OAS1: variants seen among roughly 807,000 people sequenced by gnomAD.
The protein encoded by OAS1 is 2'-5'-oligoadenylate synthetase 1.
OAS1 carries 24 observed loss-of-function variants against 38.5 expected under a neutral mutation model. That is an observed-to-expected ratio of 0.62 (90% CI 0.45 to 0.88). The LOEUF (loss-of-function observed/expected upper bound fraction) is 0.88, where lower values mean the gene tolerates loss of function less well. OAS1 is among the 40% of genes least tolerant of loss of function. OAS1 has a pLI of 0.00. For missense variants in OAS1, 482 were observed against 493.9 expected (o/e 0.98, Z 0.23); for synonymous variants, 169 against 193.9 (o/e 0.87, Z 1.07).
chr12:112,923,662 T>G (rs955234798), downstream of OAS1, among the ~76,000 whole-genome samples: 1 of 152,232 alleles, frequency 6.6e-6, no homozygotes, highest in African/African-American at 2.4e-5. Context: ...TTCCATAGAT[T>G]GTCTTTTCAG....
intron 4 of OAS1, 33 bp downstream of exon 4, chr12:112,916,771 T>A (rs958359415): frequency 1.3e-6 from 2 of 1,502,758 alleles, no homozygotes; most frequent in African/African-American, 2.8e-5. Flanking sequence ...AGCTCCCCTA[T>A]GTAAATGAAC....
intron 6 of OAS1, among the ~76,000 whole-genome samples, chr12:112,930,130 C>T (rs1326163088): frequency 1.3e-5 from 2 of 152,050 alleles, no homozygotes; most frequent in African/African-American, 2.4e-5. Flanking sequence ...GGTGGCACCT[C>T]CTCCCCACTT....
At chr12:112,922,344 C>T (rs1338659538), downstream of OAS1, among the ~76,000 whole-genome samples, 3 of 152,134 alleles carry the variant, frequency 2.0e-5, no homozygotes, top group Admixed American at 6.5e-5. Context: ...CCTTAACCCC[C>T]TGGTCGTCCG....
chr12:112,921,995 A>G (rs2043532492), downstream of OAS1, among the ~76,000 whole-genome samples: 1 of 152,154 alleles, frequency 6.6e-6, no homozygotes, highest in South Asian at 2.1e-4. Context: ...TGGGCAAATG[A>G]CAAGCCTGAC....
downstream of OAS1, among the ~76,000 whole-genome samples, chr12:112,920,470 T>C (rs956854649): frequency 6.6e-6 from 1 of 152,250 alleles, no homozygotes; most frequent in Non-Finnish European, 1.5e-5. Flanking sequence ...TTGAGTTAAA[T>C]CAAATGAACT....
intron 3 of OAS1, among the ~76,000 whole-genome samples, chr12:112,912,531 T>G (rs1405083173): frequency 6.6e-6 from 1 of 152,190 alleles, no homozygotes; most frequent in Non-Finnish European, 1.5e-5. Context: ...TTGCCAGACT[T>G]CTAAGTGTTT....
intron 5 of OAS1, 110 bp from the exon 6 acceptor site, chr12:112,919,279 C>A: frequency 9.5e-7 from 1 of 1,052,686 alleles, no homozygotes; most frequent in Non-Finnish European, 1.4e-6. Flanking sequence ...TTAGTCCTTC[C>A]TCAAAGGGGG....
At chr12:112,926,528 T>G (rs2043559312) in intron 6 of OAS1, among the ~76,000 whole-genome samples, 1 of 146,984 alleles carries the variant, frequency 6.8e-6, no homozygotes, top group African/African-American at 2.6e-5. Context: ...CCCTGAGCCA[T>G]AAAACCAGCA....
rs373022452 is a variant in OAS1, at chr12:112,907,107, A to G, written c.68A>G (p.Asp23Gly). The G allele has an allele frequency of 6.2e-7, 1 of 1,614,124 alleles. No individual in the cohort carries two copies. The highest frequency in any genetic ancestry group is 8.5e-7 in the Non-Finnish European group (1 of 1,180,046). The stretch of plus-strand genomic sequence containing the variant: ...TTCATTGAAGACTATCTCTTGCCAG[A>G]CACGTGTTTCCGCATGCAAATCAAC... ...DKFIEDYLLP[D>G]TCFRMQINHA... The change falls in exon 1 of 6, where the codon GAC (aspartate) becomes GGC (glycine). Residue 23 changes from aspartate to glycine, a missense_variant. Asp to Gly is a moderately conservative substitution (Grantham distance 94). Coordinates refer to ENST00000202917, the MANE Select transcript of OAS1 (RefSeq NM_016816.4).
At position 112,916,610 on chromosome 12, in the gene OAS1, C is replaced by T; in HGVS notation, c.756C>T (p.Ala252=). 6.2e-7 allele frequency: 1 copy of T among 1,614,142 alleles called. No homozygotes were observed. The highest frequency in any genetic ancestry group is 8.5e-7 in the Non-Finnish European group (1 of 1,180,030). Residue 252 remains alanine (A), a synonymous_variant, in exon 4 of 6, where the codon GCC becomes GCT. Coordinates refer to ENST00000202917, the MANE Select transcript of OAS1 (RefSeq NM_016816.4). Reference sequence around the variant, plus strand: ...GCATGAAAACACATTTCAACACAGCCCAGGGATTTCGGACGGTCTTGGAAT... The same window carrying T: ...GCATGAAAACACATTTCAACACAGCTCAGGGATTTCGGACGGTCTTGGAAT... ...RGSMKTHFNT[A]QGFRTVLELV...
chr12:112,919,299 G>T, intron 5 of OAS1, 90 bp from the exon 6 acceptor site: 4 of 1,190,014 alleles, frequency 3.4e-6, no homozygotes, highest in Non-Finnish European at 4.8e-6. Context: ...GATCCAGATG[G>T]CATGTCACAG....
intron 3 of OAS1, among the ~76,000 whole-genome samples, chr12:112,913,312 A>G (rs1247161883): frequency 6.6e-6 from 1 of 152,136 alleles, no homozygotes; most frequent in Non-Finnish European, 1.5e-5. Context: ...TTTAGCTTCA[A>G]TCTGCTGTGT....
At position 112,917,560 on chromosome 12, in the gene OAS1, G is replaced by A. The variant is rs922306906; in HGVS notation, c.898G>A (p.Asp300Asn). 3 of 1,614,110 alleles carry A rather than the reference G, an allele frequency of 1.9e-6. No homozygotes were observed. The highest frequency in any genetic ancestry group is 2.7e-5 in the African/African-American group (2 of 75,034). Reference protein sequence around the residue: ...QLTKPRPVILDPADPTGNLGG... With the variant: ...QLTKPRPVILNPADPTGNLGG... ...GCTGCTCTGCAGGCCTGTGATCCTG[G>A]ACCCGGCGGACCCTACAGGAAACTT... The change falls in exon 5 of 6, where the codon GAC becomes AAC. Residue 300 changes from aspartate (D) to asparagine (N), a missense_variant. Transcript: ENST00000202917.
intron 6 of OAS1, among the ~76,000 whole-genome samples, chr12:112,930,808 G>A (rs1448161348): frequency 4.6e-5 from 7 of 152,248 alleles, no homozygotes; most frequent in African/African-American, 1.7e-4. Context: ...TCTTTCAAAT[G>A]TTACGCTCCC....
At chr12:112,923,404 T>C (rs2043541932), downstream of OAS1, among the ~76,000 whole-genome samples, 1 of 152,228 alleles carries the variant, frequency 6.6e-6, no homozygotes, top group South Asian at 2.1e-4. Context: ...ATGATAGCCA[T>C]CCTACCAGGA....
intron 6 of OAS1, among the ~76,000 whole-genome samples, chr12:112,928,824 A>G (rs1317211231): frequency 6.6e-6 from 1 of 152,240 alleles, no homozygotes; most frequent in Non-Finnish European, 1.5e-5. Context: ...GCATGGATCC[A>G]GGAAGCAGTG....
Position 112,916,486 on chromosome 12 carries a change from C to A in OAS1, c.655-23C>A, listed in dbSNP as rs375118414. On this transcript the variant is annotated intron_variant, in intron 3 of 5. Coordinates refer to ENST00000202917, the MANE Select transcript of OAS1 (RefSeq NM_016816.4). ...AAAAGTTGAGCAAACCAATTTTTTT[C>A]TGATTGTTTTTCCTCTTCTCAGTGT... 37 of 1,598,544 alleles carry A rather than the reference C, an allele frequency of 2.3e-5. No individual in the cohort carries two copies. The African/African-American group carries it at 4.0e-4, about 17-fold the overall frequency.
rs564873244 is a variant in OAS1, at chr12:112,928,938, A to C, written c.1168-2940A>C. Among the ~76,000 whole-genome samples, 321 of 152,260 alleles carry C rather than the reference A, an allele frequency of 2.1e-3. 3 individuals carry two copies. The South Asian group carries it at 0.021, about 10-fold the overall frequency. On this transcript the variant is annotated intron_variant, in intron 6 of 6. Coordinates refer to the OAS1 transcript ENST00000540589. ...GGGAGAGGGTGTGTTTATGGATTCT[A>C]CAGCAATCCCAGGCCTGGGAACCTC...
chr12:112,912,723 G>A (rs1437226635), intron 3 of OAS1, among the ~76,000 whole-genome samples: 1 of 152,222 alleles, frequency 6.6e-6, no homozygotes, highest in Non-Finnish European at 1.5e-5. Context: ...AAGAATGCTA[G>A]TTATTGTACA....
Sources: allele counts gnomAD v4.1 joint callset (sites outside exome capture counted in the v4.1 genomes callset), GRCh38; gene constraint gnomAD v4.1.1; transcripts MANE v1.5; gene names NCBI Gene and HGNC (gene_info 2026-07-23, HGNC 2026-07-21).